MATN3: variants seen among roughly 807,000 people sequenced by gnomAD.
MATN3 encodes the protein matrilin-3.
In MATN3, 48 loss-of-function variants were observed where a neutral mutation model predicts 45.3. That is an observed-to-expected ratio of 1.06 (90% CI 0.84 to 1.35). MATN3 has a LOEUF of 1.35. MATN3 is among the 40% of genes most tolerant of loss of function. The pLI is 0.00. For missense variants in MATN3, 599 were observed against 628.0 expected (o/e 0.95, Z 0.49); for synonymous variants, 217 against 245.9 (o/e 0.88, Z 1.10).
rs372565565 is a variant in MATN3 at position 20,002,025 on chromosome 2, G to A, written c.972C>T (p.Asp324=). Residue 324 remains aspartate (D), a synonymous_variant, in exon 4 of 8, where the codon GAC becomes GAT. Coordinates refer to ENST00000407540, the MANE Select transcript of MATN3 (RefSeq NM_002381.5). ...ACTCACAATGATAAGAGCCACTTCT[G>A]TCATTCACACAGATGTGCTCACATC... ...THGCEHICVN[D]RSGSYHCECY... The A allele has an allele frequency of 9.9e-6, 16 of 1,613,234 alleles. No homozygotes were observed. The South Asian group carries it at 1.8e-4, about 18-fold the overall frequency.
At chr2:20,011,507 A>G (rs1673219325) in intron 1 of MATN3, among the ~76,000 whole-genome samples, 1 of 152,252 alleles carries the variant, frequency 6.6e-6, no homozygotes, top group African/African-American at 2.4e-5. Flanking sequence ...GGGGATAGAC[A>G]ATTGAAATCA....
In MATN3 at chr2:20,007,187, A is replaced by G. The variant is rs551500167; in HGVS notation, c.224-877T>C. On this transcript the variant is annotated intron_variant, in intron 1 of 7. Transcript: ENST00000407540. ...TACGCCACTGCACTCCAGCCTGGGC[A>G]ACAGAGCGAGACTCCGTCTCAAAAA... 3.7e-3 allele frequency among the ~76,000 whole-genome samples: 562 copies of G among 151,802 alleles called. 4 individuals are homozygous for G. Among genetic ancestry groups the G allele is most frequent in the Non-Finnish European group, 6.9e-3 (467 of 67,932 alleles).
In MATN3 at chr2:20,003,344, G is replaced by A. The variant is rs1021305991; in HGVS notation, c.791-58C>T. ...ACACTTAGGAAACATCTCAGATACC[G>A]TCTCCCATGTCAATAGACATTGCTC... is the stretch of plus-strand genomic sequence containing the variant. On this transcript the variant is annotated intron_variant, in intron 2 of 7. Coordinates refer to ENST00000407540, the MANE Select transcript of MATN3 (RefSeq NM_002381.5). 3.9e-5 allele frequency: 58 copies of A among 1,493,170 alleles called. No homozygotes were observed. The African/African-American group carries it at 4.6e-4, about 12-fold the overall frequency. The allele number at this position is 1,493,170 out of a possible 1,614,324, so 92.5% of individuals were successfully genotyped here.
Position 20,012,522 on chromosome 2 carries a change from C to T in MATN3, c.110G>A (p.Arg37Gln), listed in dbSNP as rs1572388986. The change falls in exon 1 of 8, where the codon CGG becomes CAG. Residue 37 changes from arginine (R) to glutamine (Q), a missense_variant. Arg to Gln is a conservative substitution (Grantham distance 43). Transcript: ENST00000407540. This position sits in a 1 kb window ranked among gnomAD's most constrained non-coding sequence, Gnocchi z 4.3. Reference sequence around the variant, plus strand: ...CCCGGGACCTCGGGTCTCCAGCCTCCGGAAGCCCGGGCGGGCCACGGGGTC... The same window carrying T: ...CCCGGGACCTCGGGTCTCCAGCCTCTGGAAGCCCGGGCGGGCCACGGGGTC... Reference protein sequence around the residue: ...APDPVARPGFRRLETRGPGGS... With the variant: ...APDPVARPGFQRLETRGPGGS... 4.9e-6 allele frequency: 6 copies of T among 1,227,650 alleles called. No homozygotes were observed. The highest frequency in any genetic ancestry group is 5.1e-6 in the Non-Finnish European group (5 of 985,488). The allele number at this position is 1,227,650 out of a possible 1,614,324, so 76.0% of individuals were successfully genotyped here.
intron 6 of MATN3, 79 bp from the exon 7 acceptor site, chr2:19,994,488 T>G (rs547622818): frequency 1.1e-5 from 9 of 842,844 alleles, no homozygotes; most frequent in Admixed American, 4.8e-5. Flanking sequence ...AAATCCACAG[T>G]TGAATATTTC....
At chr2:20,002,191 C>CAGAGAG in intron 3 of MATN3, 111 bp from the exon 4 acceptor site, 1 of 756,946 alleles carries the variant, frequency 1.3e-6, no homozygotes, top group Non-Finnish European at 2.0e-6. Flanking sequence ...CACACACACA[C>CAGAGAG]AGAGCTAATG....
intron 1 of MATN3, among the ~76,000 whole-genome samples, chr2:20,011,369 G>A (rs1034732837): frequency 2.6e-5 from 4 of 152,228 alleles, no homozygotes; most frequent in Non-Finnish European, 4.4e-5. Context: ...TGTGGACCCC[G>A]GTACCTCCTG....
Position 19,993,119 on chromosome 2 carries a change from G to A in MATN3, c.1453C>T (p.His485Tyr), listed in dbSNP as rs375672946. ...KLKINEYGQIHR is the reference protein window; with the variant it reads ...KLKINEYGQIYR ...TGAGAAATTGGAGCAATTTAACGATGTATTTGTCCATATTCATTTATTTTC... is the reference window on the plus strand; with the variant it reads ...TGAGAAATTGGAGCAATTTAACGATATATTTGTCCATATTCATTTATTTTC... Residue 485 changes from histidine to tyrosine, a missense_variant, in exon 8 of 8, where the codon CAT (histidine) becomes TAT (tyrosine). His to Tyr is a moderately conservative substitution (Grantham distance 83, BLOSUM62 2). Transcript: ENST00000407540. The A allele has an allele frequency of 6.2e-6, 10 of 1,612,246 alleles. No individual in the cohort carries two copies. The African/African-American group carries it at 1.3e-4, about 22-fold the overall frequency.
rs1672795231 is a variant in MATN3 at position 19,993,224 on chromosome 2, A to G, written c.1406-58T>C. On this transcript the variant is annotated intron_variant, in intron 7 of 7. Coordinates refer to ENST00000407540, the MANE Select transcript of MATN3 (RefSeq NM_002381.5). ...TTTACACATTAGAAAATATAAACACACTTTCAAACACTTCACAAGATAAAA... is the reference window on the plus strand; with the variant it reads ...TTTACACATTAGAAAATATAAACACGCTTTCAAACACTTCACAAGATAAAA... The G allele has an allele frequency of 4.3e-6, 5 of 1,171,226 alleles. No homozygotes were observed. In the Admixed American group the frequency reaches 7.2e-5, roughly 17 times the overall value. 72.6% of individuals were successfully genotyped at this position (1,171,226 alleles called of 1,614,324 possible). A position where few individuals can be genotyped will look rare whatever the true frequency, so the allele number is the denominator to read the frequency against.
intron 1 of MATN3, among the ~76,000 whole-genome samples, chr2:20,007,765 T>C (rs1276517644): frequency 6.6e-6 from 1 of 152,196 alleles, no homozygotes; most frequent in African/African-American, 2.4e-5. Flanking sequence ...GATAGCCAGA[T>C]TTCCCACCTT....
intron 3 of MATN3, 74 bp downstream of exon 3, chr2:20,003,087 C>T (rs926709076): frequency 2.2e-5 from 34 of 1,574,154 alleles, no homozygotes; most frequent in Non-Finnish European, 2.9e-5. Context: ...AGTCAAAGCA[C>T]AAGGCCAGTC....
chr2:19,997,097 C>A, intron 6 of MATN3, 37 bp downstream of exon 6: 1 of 1,604,322 alleles, frequency 6.2e-7, no homozygotes, highest in Non-Finnish European at 8.5e-7. Context: ...AAAAATTTTC[C>A]TACCAAAGGA....
intron 1 of MATN3, among the ~76,000 whole-genome samples, chr2:20,007,880 C>G (rs2103484948): frequency 1.3e-5 from 2 of 152,314 alleles, no homozygotes; most frequent in South Asian, 4.1e-4. Flanking sequence ...TTCCCCCAAC[C>G]CCTGTTTGCA....
Position 19,994,380 on chromosome 2 carries a change from T to C in MATN3, c.1324A>G (p.Thr442Ala), listed in dbSNP as rs371946052. The change falls in exon 7 of 8, where the codon ACT becomes GCT. Residue 442 changes from threonine (T) to alanine (A), a missense_variant. By Grantham distance (58) the Thr-to-Ala change is moderately conservative. Coordinates refer to ENST00000407540, the MANE Select transcript of MATN3 (RefSeq NM_002381.5). ...ATEEARRLVSTEDACGCEATL... is the reference protein window; with the variant it reads ...ATEEARRLVSAEDACGCEATL... ...GCTTCACATCCACAAGCATCTTCAG[T>C]GGAAACAAGTCTTCGTGCTTCCTCA... is the stretch of plus-strand genomic sequence containing the variant. The C allele has an allele frequency of 2.4e-5, 38 of 1,613,222 alleles. No homozygotes were observed. In the Admixed American group the frequency reaches 2.5e-4, roughly 11 times the overall value.
chr2:19,997,423 C>G (rs1395000595), intron 5 of MATN3, 164 bp from the exon 6 acceptor site: 2 of 601,042 alleles, frequency 3.3e-6, no homozygotes, highest in Non-Finnish European at 5.7e-6. Context: ...CCTGTTTTCT[C>G]TTCCCATACC....
Position 20,006,324 on chromosome 2 carries a change from A to C in MATN3, c.224-14T>G, listed in dbSNP as rs1408697628. 1 of 1,500,720 alleles carries C rather than the reference A, an allele frequency of 6.7e-7. No individual in the cohort carries two copies. Among genetic ancestry groups the C allele is most frequent in the East Asian group, 2.4e-5 (1 of 42,504 alleles). The allele number at this position is 1,500,720 out of a possible 1,614,324, so 93.0% of individuals were successfully genotyped here. ...TCTTGCAAACACCTGCAAAAGACCA[A>C]GCAATGATCAGACCACAATTAGAAA... On this transcript the variant is annotated splice_polypyrimidine_tract_variant and intron_variant, in intron 1 of 7. Coordinates refer to ENST00000407540, the MANE Select transcript of MATN3 (RefSeq NM_002381.5).
rs1239859760 is a variant in MATN3, at chr2:19,992,172, G to C, written c.*939C>G. Reference sequence around the variant, plus strand: ...CAATGCAAACGAAAAACAGAATTGAGCAGTGCAAAATTTAAAGGACTGTTT... The same window carrying C: ...CAATGCAAACGAAAAACAGAATTGACCAGTGCAAAATTTAAAGGACTGTTT... On this transcript the variant is annotated 3_prime_UTR_variant, in exon 8 of 8. Coordinates refer to ENST00000407540, the MANE Select transcript of MATN3 (RefSeq NM_002381.5). 5.3e-5 allele frequency: 8 copies of C among 151,998 alleles called. No individual in the cohort carries two copies. Among genetic ancestry groups the C allele is most frequent in the Admixed American group, 5.2e-4 (8 of 15,266 alleles). 9.4% of individuals were successfully genotyped at this position (151,998 alleles called of 1,614,324 possible). A position where few individuals can be genotyped will look rare whatever the true frequency, so the allele number is the denominator to read the frequency against.
chr2:20,005,851 G>T lies in MATN3; in HGVS notation c.683C>A (p.Ala228Glu), dbSNP rs73920488. ...CTCACTGGCCATCATCTTGAGGGACGCCATGTCTGCCCGGTCCACGCCCAC... is the reference window on the plus strand; with the variant it reads ...CTCACTGGCCATCATCTTGAGGGACTCCATGTCTGCCCGGTCCACGCCCAC... Reference protein sequence around the residue: ...YAVGVDRADMASLKMMASEPL... With the variant: ...YAVGVDRADMESLKMMASEPL... Residue 228 changes from alanine (A) to glutamate (E), a missense_variant, in exon 2 of 8, where the codon GCG becomes GAG. By Grantham distance (107) the Ala-to-Glu change is moderately radical (BLOSUM62 -1). Transcript: ENST00000407540. 9 of 1,609,184 alleles carry T rather than the reference G, an allele frequency of 5.6e-6. No individual in the cohort carries two copies. The highest frequency in any genetic ancestry group is 6.8e-6 in the Non-Finnish European group (8 of 1,177,722).
At position 19,994,373 on chromosome 2, in the gene MATN3, T is replaced by G; in HGVS notation, c.1331A>C (p.Asp444Ala). ...CAGTGTAGCTTCACATCCACAAGCATCTTCAGTGGAAACAAGTCTTCGTGC... is the reference window on the plus strand; with the variant it reads ...CAGTGTAGCTTCACATCCACAAGCAGCTTCAGTGGAAACAAGTCTTCGTGC... Reference protein sequence around the residue: ...EEARRLVSTEDACGCEATLAF... With the variant: ...EEARRLVSTEAACGCEATLAF... Residue 444 changes from aspartate to alanine, a missense_variant, in exon 7 of 8, where the codon GAT becomes GCT. By Grantham distance (126) the Asp-to-Ala change is moderately radical (BLOSUM62 -2). Transcript: ENST00000407540. 6.2e-7 allele frequency: 1 copy of G among 1,613,448 alleles called. No individual in the cohort carries two copies. The highest frequency in any genetic ancestry group is 1.1e-5 in the South Asian group (1 of 90,968).
Sources: allele counts gnomAD v4.1 joint callset (sites outside exome capture counted in the v4.1 genomes callset), GRCh38; gene constraint gnomAD v4.1.1; non-coding constraint Gnocchi (gnomAD v3.1); transcripts MANE v1.5; gene names NCBI Gene and HGNC (gene_info 2026-07-23, HGNC 2026-07-21).